The following SMTNL2 variants were observed in gnomAD, a reference collection of about 807,000 sequenced individuals.
SMTNL2 encodes the protein smoothelin-like protein 2.
SMTNL2 carries 43 observed loss-of-function variants against 44.1 expected under a neutral mutation model. That is an observed-to-expected ratio of 0.98 (90% CI 0.76 to 1.26). The LOEUF (loss-of-function observed/expected upper bound fraction) is 1.26, where lower values mean the gene tolerates loss of function less well. SMTNL2 is among the 50% of genes most tolerant of loss of function. The pLI is 0.00. For synonymous variants in SMTNL2, 317 were observed against 287.6 expected (o/e 1.10, Z -1.03); for missense variants, 646 against 670.2 (o/e 0.96, Z 0.40).
chr17:4,598,113 G>A lies in SMTNL2; in HGVS notation c.1259+790G>A, dbSNP rs1398553990. On this transcript the variant is annotated intron_variant, in intron 7 of 7. Coordinates refer to ENST00000389313, the MANE Select transcript of SMTNL2 (RefSeq NM_001114974.2). The surrounding 1 kb of genome is among the most constrained non-coding windows in gnomAD (Gnocchi z 4.8). Reference sequence around the variant, plus strand: ...ACAGCAGTGTGGCGGATCTCAGCCCGTGGCCTGGGTGCGGAGGACTGTCTG... The same window carrying A: ...ACAGCAGTGTGGCGGATCTCAGCCCATGGCCTGGGTGCGGAGGACTGTCTG... 2.0e-5 allele frequency among the ~76,000 whole-genome samples: 3 copies of A among 152,242 alleles called. No individual in the cohort carries two copies. The highest frequency in any genetic ancestry group is 2.9e-5 in the Non-Finnish European group (2 of 68,046).
At chr17:4,584,471 C>T, upstream of SMTNL2, 3 of 1,031,336 alleles carry the variant, frequency 2.9e-6, no homozygotes, top group Non-Finnish European at 3.7e-6. Flanking sequence ...GCCCCCGAGG[C>T]CCCGCCCCGC....
intron 1 of SMTNL2, among the ~76,000 whole-genome samples, chr17:4,586,528 GAGA>G (rs1254794490): frequency 6.6e-6 from 1 of 151,962 alleles, no homozygotes; most frequent in Non-Finnish European, 1.5e-5. Flanking sequence ...GAGAGAGAGA[GAGA>G]GAGAGAGAGG....
rs186151199 is a variant in SMTNL2 at position 4,598,960 on chromosome 17, C to T, written c.1259+1637C>T. Among the ~76,000 whole-genome samples, 147 of 152,316 alleles carry T rather than the reference C, an allele frequency of 9.7e-4. No homozygotes were observed. The highest frequency in any genetic ancestry group is 3.4e-3 in the Middle Eastern group (1 of 294). Reference sequence around the variant, plus strand: ...CCCGGCCCCAGCCCCGGCCCTGGCCCACCACCCCGGCCCCTGAGCCTGGCC... The same window carrying T: ...CCCGGCCCCAGCCCCGGCCCTGGCCTACCACCCCGGCCCCTGAGCCTGGCC... On this transcript the variant is annotated intron_variant, in intron 7 of 7. Coordinates refer to ENST00000389313, the MANE Select transcript of SMTNL2 (RefSeq NM_001114974.2). This position sits in a 1 kb window ranked among gnomAD's most constrained non-coding sequence, Gnocchi z 4.8.
chr17:4,595,414 C>G lies in SMTNL2; in HGVS notation c.989+87C>G. ...TGGGTGGGTGCAGCAGGGCAAGGTT[C>G]AGCCCTGTCCTGTTCCCCAGGGCGC... is the stretch of plus-strand genomic sequence containing the variant. On this transcript the variant is annotated intron_variant, in intron 5 of 7. Transcript: ENST00000389313. This position sits in a 1 kb window ranked among gnomAD's most constrained non-coding sequence, Gnocchi z 5.1. The G allele has an allele frequency of 6.6e-7, 1 of 1,504,346 alleles. No individual in the cohort carries two copies. Among genetic ancestry groups the G allele is most frequent in the Non-Finnish European group, 9.0e-7 (1 of 1,116,012 alleles). The allele number at this position is 1,504,346 out of a possible 1,614,324, so 93.2% of individuals were successfully genotyped here.
Position 4,595,465 on chromosome 17 carries a change from G to T in SMTNL2, c.989+138G>T, listed in dbSNP as rs1482619379. On this transcript the variant is annotated intron_variant, in intron 5 of 7. Transcript: ENST00000389313. The surrounding 1 kb of genome is among the most constrained non-coding windows in gnomAD (Gnocchi z 5.1). The stretch of plus-strand genomic sequence containing the variant: ...TGTTGCCCAGGACAAGATCTCTTGG[G>T]CAAGGCACAAAGTTAGGGCTGGGCC... 1.6e-6 allele frequency: 2 copies of T among 1,285,944 alleles called. No homozygotes were observed. Among genetic ancestry groups the T allele is most frequent in the East Asian group, 5.1e-5 (2 of 39,320 alleles). The allele number at this position is 1,285,944 out of a possible 1,614,324, so 79.7% of individuals were successfully genotyped here. A position where few individuals can be genotyped will look rare whatever the true frequency, so the allele number is the denominator to read the frequency against.
chr17:4,601,379 C>T (rs1910023232), intron 7 of SMTNL2, among the ~76,000 whole-genome samples: 1 of 150,614 alleles, frequency 6.6e-6, no homozygotes, highest in Non-Finnish European at 1.5e-5. Context: ...GGTGCCACTG[C>T]ACTCCAGCCT....
chr17:4,604,735 G>A (rs950116809), intron 7 of SMTNL2, among the ~76,000 whole-genome samples: 3 of 151,952 alleles, frequency 2.0e-5, no homozygotes, highest in Admixed American at 6.6e-5. Context: ...GCAGTAGCAC[G>A]ATCTCGGCTC....
Position 4,584,841 on chromosome 17 carries a change from G to A in SMTNL2, c.236G>A (p.Arg79His). The A allele has an allele frequency of 7.5e-7, 1 of 1,328,968 alleles. No homozygotes were observed. 82.3% of individuals were successfully genotyped at this position (1,328,968 alleles called of 1,614,324 possible). ...CAGGCGCAGCTCGAGCGCCTGACGC[G>A]CCAGGTGGAGGCGCTGGGCTTGGCC... is the stretch of plus-strand genomic sequence containing the variant. ...RLQAQLERLT[R>H]QVEALGLASG... The change falls in exon 1 of 8, where the codon CGC (arginine) becomes CAC (histidine). Residue 79 changes from arginine (R) to histidine (H), a missense_variant. Transcript: ENST00000389313.
In SMTNL2 at chr17:4,595,152, C is replaced by T. The variant is rs929296091; in HGVS notation, c.814C>T (p.Leu272=). The T allele has an allele frequency of 6.2e-7, 1 of 1,613,194 alleles. No individual in the cohort carries two copies. The part of the protein sequence containing the change: ...TASKHSNSPP[L]VTPPQSPVSP... ...CGGCGATTCTTTCCTCAGCCCACCG[C>T]TGGTGACACCACCCCAGTCGCCCGT... Residue 272 remains leucine (L), a synonymous_variant, in exon 5 of 8, where the codon CTG becomes TTG. Coordinates refer to ENST00000389313, the MANE Select transcript of SMTNL2 (RefSeq NM_001114974.2). This position sits in a 1 kb window ranked among gnomAD's most constrained non-coding sequence, Gnocchi z 5.1.
At chr17:4,586,987 T>G (rs1405892509) in intron 1 of SMTNL2, among the ~76,000 whole-genome samples, 2 of 152,070 alleles carry the variant, frequency 1.3e-5, no homozygotes, top group East Asian at 3.9e-4. Context: ...CTCCACACAG[T>G]GAGCAAGCCT....
chr17:4,589,250 C>T (rs1321150007), intron 1 of SMTNL2, among the ~76,000 whole-genome samples: 4 of 152,170 alleles, frequency 2.6e-5, no homozygotes, highest in Non-Finnish European at 5.9e-5. Context: ...TCCCACCCAC[C>T]TATAGAGAAA....
At chr17:4,589,459 G>A (rs1203945803) in intron 1 of SMTNL2, among the ~76,000 whole-genome samples, 1 of 152,140 alleles carries the variant, frequency 6.6e-6, no homozygotes. Flanking sequence ...GCCGCAGCGT[G>A]GCTCTAGGGG....
rs1453300580 is a variant in SMTNL2 at position 4,600,933 on chromosome 17, C to T, written c.1259+3610C>T. On this transcript the variant is annotated intron_variant, in intron 7 of 7. Transcript: ENST00000389313. The surrounding 1 kb of genome is among the most constrained non-coding windows in gnomAD (Gnocchi z 4.7). Reference sequence around the variant, plus strand: ...GAGGCAGTAGTCCCAGTCCTGGCATCCTGGTCTGCATTTAGAGCAGGCTTA... The same window carrying T: ...GAGGCAGTAGTCCCAGTCCTGGCATTCTGGTCTGCATTTAGAGCAGGCTTA... Among the ~76,000 whole-genome samples the T allele has an allele frequency of 2.0e-5, 3 of 152,168 alleles. No individual in the cohort carries two copies. Among genetic ancestry groups the T allele is most frequent in the South Asian group, 2.1e-4 (1 of 4,816 alleles).
chr17:4,595,402 C>A lies in SMTNL2; in HGVS notation c.989+75C>A. 1 of 1,550,370 alleles carries A rather than the reference C, an allele frequency of 6.5e-7. No homozygotes were observed. On this transcript the variant is annotated intron_variant, in intron 5 of 7. Transcript: ENST00000389313. The surrounding 1 kb of genome is among the most constrained non-coding windows in gnomAD (Gnocchi z 5.1). Reference sequence around the variant, plus strand: ...CCAGACGGGGCTTGGGTGGGTGCAGCAGGGCAAGGTTCAGCCCTGTCCTGT... The same window carrying A: ...CCAGACGGGGCTTGGGTGGGTGCAGAAGGGCAAGGTTCAGCCCTGTCCTGT...
chr17:4,593,130 G>C lies in SMTNL2; in HGVS notation c.689G>C (p.Ser230Thr). The C allele has an allele frequency of 1.2e-6, 2 of 1,612,058 alleles. No homozygotes were observed. Among genetic ancestry groups the C allele is most frequent in the Non-Finnish European group, 8.5e-7 (1 of 1,178,652 alleles). The change falls in exon 3 of 8, where the codon AGC (serine) becomes ACC (threonine). Residue 230 changes from serine to threonine, a missense_variant. Transcript: ENST00000389313. The stretch of plus-strand genomic sequence containing the variant: ...GCCACCCTGGGGGGCCTCAACCCAA[G>C]CCCCAGCGAGGTCATCACGCCCTGG... ...SAATLGGLNP[S>T]PSEVITPWTP...
At chr17:4,589,211 C>T (rs1909462008) in intron 1 of SMTNL2, among the ~76,000 whole-genome samples, 1 of 152,084 alleles carries the variant, frequency 6.6e-6, no homozygotes, top group African/African-American at 2.4e-5. Flanking sequence ...GGGGCTGCAA[C>T]GTGCAGGGAC....
At chr17:4,590,854 CT>C (rs756205573) in intron 1 of SMTNL2, among the ~76,000 whole-genome samples, 1 of 152,168 alleles carries the variant, frequency 6.6e-6, no homozygotes, top group Admixed American at 6.5e-5. Flanking sequence ...CCTTGGGCTC[CT>C]TCTTGTCTAA....
At chr17:4,606,181 G>A (rs1370205021) in intron 7 of SMTNL2, among the ~76,000 whole-genome samples, 1 of 151,900 alleles carries the variant, frequency 6.6e-6, no homozygotes, top group African/African-American at 2.4e-5. Flanking sequence ...GAGTGCAATC[G>A]CACGATCTCG....
chr17:4,605,412 C>T (rs554523974), intron 7 of SMTNL2, among the ~76,000 whole-genome samples: 70 of 152,158 alleles, frequency 4.6e-4, no homozygotes, highest in African/African-American at 1.6e-3. Flanking sequence ...CCTCCTGCCT[C>T]GGCCTTCCAA....
Sources: allele counts gnomAD v4.1 joint callset (sites outside exome capture counted in the v4.1 genomes callset), GRCh38; gene constraint gnomAD v4.1.1; non-coding constraint Gnocchi (gnomAD v3.1); transcripts MANE v1.5; gene names NCBI Gene and HGNC (gene_info 2026-07-23, HGNC 2026-07-21).